LDLRAD3: variants seen among roughly 807,000 people sequenced by gnomAD.
LDLRAD3 encodes the protein low-density lipoprotein receptor class A domain-containing protein 3.
A neutral mutation model predicts 29.4 loss-of-function variants in LDLRAD3; 20 were observed. The observed-to-expected ratio is 0.68, with a 90% CI of 0.48 to 0.99. The LOEUF is 0.99. Ranked by LOEUF, LDLRAD3 falls within the 50% of genes least tolerant of loss-of-function variation. The pLI is 0.00. For missense variants in LDLRAD3, 420 were observed against 454.3 expected (o/e 0.92, Z 0.69); for synonymous variants, 157 against 192.7 (o/e 0.81, Z 1.53).
At chr11:35,992,194 C>A (rs1379915940) in intron 1 of LDLRAD3, among the ~76,000 whole-genome samples, 1 of 152,138 alleles carries the variant, frequency 6.6e-6, no homozygotes, top group Non-Finnish European at 1.5e-5. Context: ...CCACAGAGAT[C>A]CAGGTGGCTG....
chr11:36,000,228 G>A (rs1851806374), intron 1 of LDLRAD3, among the ~76,000 whole-genome samples: 1 of 149,612 alleles, frequency 6.7e-6, no homozygotes, highest in Non-Finnish European at 1.5e-5. Context: ...GTATATATGT[G>A]TAATATATGT....
chr11:36,117,461 A>G (rs780125464), intron 4 of LDLRAD3, among the ~76,000 whole-genome samples: 3 of 152,234 alleles, frequency 2.0e-5, no homozygotes, highest in African/African-American at 4.8e-5. Context: ...TTCTGAACTG[A>G]TCTTGGGTTT....
At chr11:36,066,973 A>C (rs1852805215) in intron 2 of LDLRAD3, among the ~76,000 whole-genome samples, 1 of 152,190 alleles carries the variant, frequency 6.6e-6, no homozygotes, top group African/African-American at 2.4e-5. Context: ...CTCCTGCCGC[A>C]TAGCCCATGT....
intron 4 of LDLRAD3, among the ~76,000 whole-genome samples, chr11:36,143,249 C>T (rs930521880): frequency 7.9e-5 from 12 of 152,150 alleles, no homozygotes; most frequent in Admixed American, 7.2e-4. Flanking sequence ...GCGCTGTCTC[C>T]GGCAGCCTTG....
intron 4 of LDLRAD3, among the ~76,000 whole-genome samples, chr11:36,105,455 G>A (rs1853515567): frequency 6.6e-6 from 1 of 152,066 alleles, no homozygotes; most frequent in Non-Finnish European, 1.5e-5. Context: ...TTGTGTTAAT[G>A]TCCTAAACCC....
At chr11:36,062,540 G>A (rs958266053) in intron 2 of LDLRAD3, among the ~76,000 whole-genome samples, 3 of 152,106 alleles carry the variant, frequency 2.0e-5, no homozygotes, top group African/African-American at 7.2e-5. Flanking sequence ...GACTGACATG[G>A]TTTGGCTGTG....
chr11:35,974,719 A>T (rs1342276769), intron 1 of LDLRAD3, among the ~76,000 whole-genome samples: 4 of 152,222 alleles, frequency 2.6e-5, no homozygotes, highest in Non-Finnish European at 5.9e-5. Flanking sequence ...CAAATCAGCA[A>T]GAAAGAGAAG....
intron 4 of LDLRAD3, among the ~76,000 whole-genome samples, chr11:36,128,907 A>T (rs997468447): frequency 6.6e-6 from 1 of 151,642 alleles, no homozygotes; most frequent in Non-Finnish European, 1.5e-5. Context: ...TGGAACAGTG[A>T]TGGGCAGAGG....
In LDLRAD3 at chr11:35,944,173, C is replaced by CCGCGGGG. The variant is rs541155009; in HGVS notation, c.46+54_46+60dup. On this transcript the variant is annotated intron_variant, in intron 1 of 5. Transcript: ENST00000315571. The surrounding 1 kb of genome is among the most constrained non-coding windows in gnomAD (Gnocchi z 4.9). ...AGTCGGGGGGCGGCCGGCGAACTTC[C>CCGCGGGG]CGCGGGGCGCGGGGCGCGGGGCGCG... The CCGCGGGG allele has an allele frequency of 0.025, 24,290 of 990,590 alleles. 541 individuals carry two copies. Among genetic ancestry groups the CCGCGGGG allele is most frequent in the Admixed American group, 0.097 (1,609 of 16,592 alleles). 61.4% of individuals were successfully genotyped at this position (990,590 alleles called of 1,614,324 possible). A position where few individuals can be genotyped will look rare whatever the true frequency, so the allele number is the denominator to read the frequency against.
intron 1 of LDLRAD3, among the ~76,000 whole-genome samples, chr11:35,981,220 TG>T (rs1450552228): frequency 1.2e-5 from 1 of 80,026 alleles, no homozygotes; most frequent in South Asian, 4.8e-4. Flanking sequence ...GGGTTGGGGG[TG>T]GGGGGGCTGA....
At chr11:36,112,718 A>G (rs906345332) in intron 4 of LDLRAD3, among the ~76,000 whole-genome samples, 11 of 152,214 alleles carry the variant, frequency 7.2e-5, no homozygotes, top group Non-Finnish European at 1.5e-4. Flanking sequence ...AGTCACATAG[A>G]AGCTACAGCT....
intron 1 of LDLRAD3, among the ~76,000 whole-genome samples, chr11:35,948,625 T>C (rs1851091398): frequency 6.6e-6 from 1 of 152,258 alleles, no homozygotes. Context: ...ATCATTGGCT[T>C]GATGTTTAAT....
At chr11:36,069,438 C>CT (rs1272379469) in intron 2 of LDLRAD3, among the ~76,000 whole-genome samples, 1 of 152,178 alleles carries the variant, frequency 6.6e-6, no homozygotes, top group Non-Finnish European at 1.5e-5. Context: ...AGATCGACCG[C>CT]TTTTTGCAGT....
At chr11:36,129,541 C>T (rs536155906) in intron 4 of LDLRAD3, among the ~76,000 whole-genome samples, 1 of 152,306 alleles carries the variant, frequency 6.6e-6, no homozygotes, top group Non-Finnish European at 1.5e-5. Context: ...GGATGTTCTG[C>T]ACTCAGATTT....
chr11:36,109,711 T>C (rs1213058335), intron 4 of LDLRAD3, among the ~76,000 whole-genome samples: 1 of 151,856 alleles, frequency 6.6e-6, no homozygotes, highest in Admixed American at 6.6e-5. Flanking sequence ...GAAGTGCTAA[T>C]TTTAGTTTAG....
At chr11:36,223,036 G>A (rs999933481) in intron 4 of LDLRAD3, among the ~76,000 whole-genome samples, 1 of 152,174 alleles carries the variant, frequency 6.6e-6, no homozygotes, top group Non-Finnish European at 1.5e-5. Context: ...TATGCACTTG[G>A]AACTTAGGTC....
intron 2 of LDLRAD3, among the ~76,000 whole-genome samples, chr11:36,050,545 A>T (rs1451785957): frequency 6.6e-6 from 1 of 152,168 alleles, no homozygotes; most frequent in Non-Finnish European, 1.5e-5. Flanking sequence ...GTTCCCTGGA[A>T]TGGAGGCCAC....
intron 1 of LDLRAD3, among the ~76,000 whole-genome samples, chr11:36,006,825 G>A (rs1434150195): frequency 6.6e-6 from 1 of 152,244 alleles, no homozygotes; most frequent in Non-Finnish European, 1.5e-5. Context: ...GCTCAAGCCC[G>A]TGGATTCAGA....
At chr11:36,027,109 T>C (rs1852177054) in intron 1 of LDLRAD3, among the ~76,000 whole-genome samples, 1 of 152,188 alleles carries the variant, frequency 6.6e-6, no homozygotes, top group South Asian at 2.1e-4. Flanking sequence ...AGTTGCCAAA[T>C]TGCTCTTCAG....
Sources: allele counts gnomAD v4.1 joint callset (sites outside exome capture counted in the v4.1 genomes callset), GRCh38; gene constraint gnomAD v4.1.1; non-coding constraint Gnocchi (gnomAD v3.1); transcripts MANE v1.5; gene names NCBI Gene and HGNC (gene_info 2026-07-23, HGNC 2026-07-21).